RANBP2: variants seen among roughly 807,000 people sequenced by gnomAD.
The protein encoded by RANBP2 is E3 SUMO-protein ligase RanBP2.
In RANBP2, 57 loss-of-function variants were observed where a neutral mutation model predicts 303.6. The observed-to-expected ratio is 0.19, with a 90% CI of 0.15 to 0.23. RANBP2 has a LOEUF of 0.23. Ranked by LOEUF, RANBP2 falls within the 10% of genes least tolerant of loss-of-function variation. The probability of loss-of-function intolerance (pLI) is 1.00; values close to 1 mark genes in which losing one functional copy is unlikely to be tolerated. For missense variants in RANBP2, 3,138 were observed against 3,780.8 expected, an observed-to-expected ratio of 0.83 and a Z score of 4.46; for synonymous variants, 1,167 against 1,301.5, an observed-to-expected ratio of 0.90 and a Z score of 2.23.
the RANBP2 span, among the ~76,000 whole-genome samples, chr2:109,016,735 C>T: frequency 6.7e-3 from 1,027 of 152,296 alleles, 7 homozygotes; most frequent in South Asian, 0.027. Context: ...AGCCAGGCGA[C>T]GCCCAGGCAG....
chr2:108,881,111 TC>T, the RANBP2 span, among the ~76,000 whole-genome samples: 1 of 152,218 alleles, frequency 6.6e-6, no homozygotes, highest in Admixed American at 6.5e-5. Context: ...GGCATGGTCT[TC>T]CAATAGAAGG....
chr2:108,781,273 A>G lies in RANBP2; in HGVS notation c.8604A>G (p.Lys2868=), dbSNP rs772897320. ...SGDFAFGSKD[K]NFQWANTGAA... is the part of the protein sequence containing the mutation. ...ATATCCTGATTTATTCATCAGATAA[A>G]AATTTCCAATGGGCAAATACTGGAG... is the stretch of plus-strand genomic sequence containing the variant. Residue 2868 remains lysine (K), a synonymous_variant, in exon 26 of 29, where the codon AAA becomes AAG. Coordinates refer to ENST00000283195, the MANE Select transcript of RANBP2 (RefSeq NM_006267.5). The G allele has an allele frequency of 6.2e-7, 1 of 1,614,182 alleles. No individual in the cohort carries two copies. The highest frequency in any genetic ancestry group is 8.5e-7 in the Non-Finnish European group (1 of 1,180,018).
chr2:109,136,598 A>G, the RANBP2 span, among the ~76,000 whole-genome samples: 3 of 152,146 alleles, frequency 2.0e-5, no homozygotes, highest in South Asian at 2.1e-4. Context: ...CTTGGAGGCC[A>G]TTTAGAGCTG....
the RANBP2 span, among the ~76,000 whole-genome samples, chr2:109,035,115 T>C: frequency 6.6e-6 from 1 of 152,210 alleles, no homozygotes; most frequent in African/African-American, 2.4e-5. Context: ...GGTACACGTA[T>C]GTTTTTTGTA....
the RANBP2 span, among the ~76,000 whole-genome samples, chr2:109,705,508 T>C: frequency 6.6e-6 from 1 of 152,240 alleles, no homozygotes; most frequent in Non-Finnish European, 1.5e-5. Context: ...TGGGGCTTCC[T>C]AGTGGCTTTC....
At chr2:108,874,200 G>A in the RANBP2 span, among the ~76,000 whole-genome samples, 1 of 152,144 alleles carries the variant, frequency 6.6e-6, no homozygotes, top group Admixed American at 6.5e-5. Flanking sequence ...CCTTATTGAT[G>A]TACTAAAGTG....
chr2:109,271,101 C>G, the RANBP2 span, among the ~76,000 whole-genome samples: 1 of 152,166 alleles, frequency 6.6e-6, no homozygotes, highest in Non-Finnish European at 1.5e-5. Flanking sequence ...AGCTCAAGCA[C>G]CCAGCCAGCG....
the RANBP2 span, among the ~76,000 whole-genome samples, chr2:109,577,584 TCCA>T: frequency 7.0e-6 from 1 of 143,580 alleles, no homozygotes; most frequent in African/African-American, 2.6e-5. Context: ...AGAGTGAGAC[TCCA>T]CCTCAAAATT....
the RANBP2 span, among the ~76,000 whole-genome samples, chr2:109,558,984 C>T: frequency 6.6e-6 from 1 of 151,842 alleles, no homozygotes; most frequent in South Asian, 2.1e-4. Flanking sequence ...CTCCTGGGTT[C>T]AAGCAATTCT....
the RANBP2 span, among the ~76,000 whole-genome samples, chr2:109,557,241 G>C: frequency 6.6e-6 from 1 of 152,056 alleles, no homozygotes; most frequent in Admixed American, 6.6e-5. Context: ...TTAAAACAAT[G>C]CTTCATTAAT....
the RANBP2 span, among the ~76,000 whole-genome samples, chr2:109,423,652 G>A: frequency 0.052 from 7,920 of 152,198 alleles, 720 homozygotes; most frequent in African/African-American, 0.18. Flanking sequence ...CGAAATCACC[G>A]GGTACTGCCC....
the RANBP2 span, among the ~76,000 whole-genome samples, chr2:109,718,808 G>A: frequency 6.6e-6 from 1 of 151,794 alleles, no homozygotes; most frequent in Non-Finnish European, 1.5e-5. Flanking sequence ...TGAGGAGATT[G>A]AGACCATCCT....
the RANBP2 span, among the ~76,000 whole-genome samples, chr2:109,214,699 A>G: frequency 0.28 from 42,683 of 151,966 alleles, 6,343 homozygotes; most frequent in East Asian, 0.46. Context: ...GGACAGGACA[A>G]TCAGAAGATG....
chr2:109,402,745 G>A, the RANBP2 span, among the ~76,000 whole-genome samples: 1 of 152,206 alleles, frequency 6.6e-6, no homozygotes, highest in Non-Finnish European at 1.5e-5. Flanking sequence ...TGGTCATCTG[G>A]ACCAGGACTT....
At chr2:109,690,982 A>T in the RANBP2 span, among the ~76,000 whole-genome samples, 9 of 152,182 alleles carry the variant, frequency 5.9e-5, no homozygotes, top group South Asian at 2.1e-4. Context: ...GATCAGGGAC[A>T]GCCAGTTCTG....
At chr2:109,593,699 T>A in the RANBP2 span, among the ~76,000 whole-genome samples, 2 of 152,106 alleles carry the variant, frequency 1.3e-5, no homozygotes, top group African/African-American at 4.8e-5. Context: ...CCACCACGCC[T>A]GGCCTTTTCA....
At chr2:109,661,356 C>T in the RANBP2 span, among the ~76,000 whole-genome samples, 1 of 151,936 alleles carries the variant, frequency 6.6e-6, no homozygotes, top group Non-Finnish European at 1.5e-5. Flanking sequence ...AAGCGATTCT[C>T]CTGCCTCAGC....
the RANBP2 span, among the ~76,000 whole-genome samples, chr2:108,921,155 G>A: frequency 4.6e-5 from 7 of 152,222 alleles, no homozygotes; most frequent in African/African-American, 1.7e-4. Context: ...TCTCTTTAAG[G>A]ATAGGAGGTA....
chr2:109,006,437 G>A, the RANBP2 span, among the ~76,000 whole-genome samples: 10 of 151,950 alleles, frequency 6.6e-5, no homozygotes, highest in South Asian at 1.7e-3. Flanking sequence ...CTCATGATCC[G>A]CCCGCCTCGG....
Sources: allele counts gnomAD v4.1 joint callset (sites outside exome capture counted in the v4.1 genomes callset), GRCh38; gene constraint gnomAD v4.1.1; transcripts MANE v1.5; gene names NCBI Gene and HGNC (gene_info 2026-07-23, HGNC 2026-07-21).